ADK: variants seen among roughly 807,000 people sequenced by gnomAD.
ADK encodes the protein N6,N6-dimethyladenosine kinase.
In ADK, 24 loss-of-function variants were observed where a neutral mutation model predicts 44.7. The ratio of observed to expected loss-of-function variants is 0.54; its 90% CI spans 0.39 to 0.76. The LOEUF (loss-of-function observed/expected upper bound fraction) is 0.76. ADK is among the 30% of genes least tolerant of loss of function. The pLI is 0.00. For missense variants in ADK, 321 were observed against 425.1 expected (o/e 0.76, Z 2.15); for synonymous variants, 128 against 142.6 (o/e 0.90, Z 0.73).
In ADK at chr10:74,152,577, C is replaced by G. The variant is rs1841632498; in HGVS notation, c.65+1234C>G. ...ACAGATGCAACTTTTCCCTACCATC[C>G]TACTGAACATATAACCCTTAGATTT... is the stretch of plus-strand genomic sequence containing the variant. On this transcript the variant is annotated intron_variant, in intron 1 of 10. Transcript: ENST00000539909. Among the ~76,000 whole-genome samples the G allele has an allele frequency of 2.6e-5, 4 of 152,248 alleles. No individual in the cohort carries two copies. The South Asian group carries it at 8.3e-4, about 32-fold the overall frequency.
chr10:74,205,616 C>T (rs1014604546), intron 2 of ADK, among the ~76,000 whole-genome samples: 5 of 137,476 alleles, frequency 3.6e-5, no homozygotes, highest in Non-Finnish European at 7.6e-5. Context: ...GCGGAGGTTG[C>T]AGTAAGCTGA....
At chr10:74,211,507 G>T (rs575686881) in intron 2 of ADK, among the ~76,000 whole-genome samples, 2 of 152,196 alleles carry the variant, frequency 1.3e-5, no homozygotes, top group African/African-American at 4.8e-5. Context: ...TGCTAAATCT[G>T]TTAGATTCAA....
At chr10:74,376,570 G>T (rs1842825338) in intron 4 of ADK, among the ~76,000 whole-genome samples, 1 of 152,044 alleles carries the variant, frequency 6.6e-6, no homozygotes, top group African/African-American at 2.4e-5. Flanking sequence ...GCTCTAGATT[G>T]CCTGAGAATG....
intron 7 of ADK, among the ~76,000 whole-genome samples, chr10:74,539,706 C>T (rs1849563586): frequency 6.6e-6 from 1 of 151,594 alleles, no homozygotes; most frequent in South Asian, 2.1e-4. Context: ...GAAAAAAAAA[C>T]AAAAACTTAT....
At chr10:74,288,136 A>G (rs1010998546) in intron 3 of ADK, among the ~76,000 whole-genome samples, 3 of 152,130 alleles carry the variant, frequency 2.0e-5, no homozygotes, top group African/African-American at 4.8e-5. Flanking sequence ...AGTGTAAAGC[A>G]TATTTGTAAA....
chr10:74,498,021 C>G (rs986840245), intron 6 of ADK, among the ~76,000 whole-genome samples: 5 of 152,044 alleles, frequency 3.3e-5, no homozygotes, highest in African/African-American at 1.2e-4. Flanking sequence ...TCCCCAGTAG[C>G]TGGGACTACA....
intron 6 of ADK, among the ~76,000 whole-genome samples, chr10:74,401,690 A>G (rs911292003): frequency 6.6e-6 from 1 of 151,814 alleles, no homozygotes; most frequent in Non-Finnish European, 1.5e-5. Context: ...TCTTGACTCT[A>G]TCCAATTTGC....
At chr10:74,556,691 T>C (rs74733673) in intron 7 of ADK, among the ~76,000 whole-genome samples, 1,537 of 152,326 alleles carry the variant, frequency 0.01, 26 homozygotes, top group African/African-American at 0.034. Context: ...TTTAAAAATA[T>C]AGGACTCTGT....
intron 2 of ADK, among the ~76,000 whole-genome samples, chr10:74,216,274 ATC>A (rs910116255): frequency 2.6e-5 from 4 of 152,206 alleles, no homozygotes; most frequent in African/African-American, 9.6e-5. Context: ...ATTTTAAAAT[ATC>A]TCTTAGTCAT....
At chr10:74,196,378 A>G (rs1843152658) in intron 1 of ADK, among the ~76,000 whole-genome samples, 1 of 152,018 alleles carries the variant, frequency 6.6e-6, no homozygotes, top group South Asian at 2.1e-4. Flanking sequence ...CATCTCTACT[A>G]AAAATACAGA....
intron 2 of ADK, among the ~76,000 whole-genome samples, chr10:74,207,579 G>A (rs1457907004): frequency 4.6e-5 from 7 of 152,218 alleles, no homozygotes; most frequent in African/African-American, 1.7e-4. Flanking sequence ...ACCTCTCAGT[G>A]AGATGAGACC....
chr10:74,562,367 G>A (rs1850494652), intron 7 of ADK, among the ~76,000 whole-genome samples: 1 of 152,194 alleles, frequency 6.6e-6, no homozygotes, highest in Non-Finnish European at 1.5e-5. Flanking sequence ...CTAGGAGTCT[G>A]AGTCTTGCTA....
Position 74,525,360 on chromosome 10 carries a change from C to T in ADK, c.660C>T (p.Ser220=), listed in dbSNP as rs773018993. ...TGAATCTATCTGCACCGTTTATTAG[C>T]CAGTTCTACAAGGAATCATTGATGA... The part of the protein sequence containing the change: ...FTLNLSAPFI[S]QFYKESLMKV... Residue 220 remains serine, a synonymous_variant, in exon 7 of 11, where the codon AGC becomes AGT. Transcript: ENST00000539909. 6 of 1,613,412 alleles carry T rather than the reference C, an allele frequency of 3.7e-6. No individual in the cohort carries two copies. The highest frequency in any genetic ancestry group is 2.5e-6 in the Non-Finnish European group (3 of 1,179,760).
At chr10:74,470,579 A>ACTAGCACTTGTTATTT (rs1846540811) in intron 6 of ADK, among the ~76,000 whole-genome samples, 1 of 151,972 alleles carries the variant, frequency 6.6e-6, no homozygotes, top group Non-Finnish European at 1.5e-5. Context: ...ATTTCTCCAC[A>ACTAGCACTTGTTATTT]TTCTGTATCT....
intron 3 of ADK, among the ~76,000 whole-genome samples, chr10:74,234,097 T>G (rs1350040297): frequency 2.0e-5 from 3 of 152,232 alleles, no homozygotes; most frequent in Non-Finnish European, 4.4e-5. Context: ...GTAAGAGTTA[T>G]GCCAACACTA....
chr10:74,366,720 A>G (rs1320046789), intron 4 of ADK, among the ~76,000 whole-genome samples: 2 of 151,498 alleles, frequency 1.3e-5, no homozygotes, highest in East Asian at 3.9e-4. Flanking sequence ...ACTTGAGTCT[A>G]GGAGTTCGAG....
intron 1 of ADK, among the ~76,000 whole-genome samples, chr10:74,195,707 C>CTTTTTTTTTTTTTTTTTTTTTTTTTTTTT (rs71475265): frequency 8.2e-5 from 8 of 97,528 alleles, no homozygotes; most frequent in Admixed American, 1.2e-4. Context: ...TCTTTTCTTT[C>CTTTTTTTTTTTTTTTTTTTTTTTTTTTTT]TTTTTTTTTT....
chr10:74,232,736 C>T (rs1300306120), intron 3 of ADK, among the ~76,000 whole-genome samples: 1 of 152,292 alleles, frequency 6.6e-6, no homozygotes, highest in East Asian at 1.9e-4. Flanking sequence ...CGCCATTCTC[C>T]TGCCTCAGCT....
chr10:74,323,633 C>T (rs1424562527), intron 4 of ADK, among the ~76,000 whole-genome samples: 2 of 150,596 alleles, frequency 1.3e-5, no homozygotes, highest in Admixed American at 6.6e-5. Flanking sequence ...TGCAGTGGCG[C>T]GATCTTGGCT....
Sources: gnomAD v4.1 joint callset for allele counts (sites outside exome capture counted in the v4.1 genomes callset) on GRCh38, gnomAD v4.1.1 for gene constraint, MANE v1.5 for transcripts, NCBI Gene and HGNC (gene_info 2026-07-23, HGNC 2026-07-21) for gene names.